The following ZFAT variants were observed in gnomAD, a reference collection of about 807,000 sequenced individuals.
ZFAT encodes the protein zinc finger protein ZFAT.
A neutral mutation model predicts 117.7 loss-of-function variants in ZFAT; 64 were observed. The ratio of observed to expected loss-of-function variants is 0.54; its 90% CI spans 0.44 to 0.67. ZFAT has a LOEUF of 0.67. ZFAT is among the 30% of genes least tolerant of loss of function. ZFAT has a pLI of 0.00. For synonymous variants in ZFAT, 679 were observed against 615.0 expected, an observed-to-expected ratio of 1.10 and a Z score of -1.54; for missense variants, 1,433 against 1,584.5, an observed-to-expected ratio of 0.90 and a Z score of 1.62.
intron 2 of ZFAT, among the ~76,000 whole-genome samples, chr8:134,652,420 T>C (rs1831299585): frequency 6.6e-6 from 1 of 152,178 alleles, no homozygotes; most frequent in African/African-American, 2.4e-5. Context: ...GGAGATGGAA[T>C]GGATGCAGAT....
At chr8:134,543,196 C>T (rs1822412614) in intron 11 of ZFAT, among the ~76,000 whole-genome samples, 1 of 151,010 alleles carries the variant, frequency 6.6e-6, no homozygotes, top group Admixed American at 6.6e-5. Flanking sequence ...CAGCCAGGCA[C>T]ATGCAATTTC....
In ZFAT at chr8:134,478,674, C is replaced by T. The variant is rs750522069; in HGVS notation, c.3540G>A (p.Glu1180=). The T allele has an allele frequency of 6.3e-6, 10 of 1,581,592 alleles. No individual in the cohort carries two copies. Residue 1180 remains glutamate (E), a synonymous_variant, in exon 16 of 16, where the codon GAG becomes GAA. Transcript: ENST00000377838. The surrounding 1 kb of genome is among the most constrained non-coding windows in gnomAD (Gnocchi z 5.2). ...GCTCCACGGACGCTTGCTGGACCGTCTCCTGGATCATGACCGTGTGGTTGG... is the reference window on the plus strand; with the variant it reads ...GCTCCACGGACGCTTGCTGGACCGTTTCCTGGATCATGACCGTGTGGTTGG... ...PSSNHTVMIQ[E]TVQQASVELA...
At chr8:134,818,567 C>T in the ZFAT span, among the ~76,000 whole-genome samples, 1 of 152,144 alleles carries the variant, frequency 6.6e-6, no homozygotes, top group Non-Finnish European at 1.5e-5. Flanking sequence ...ATATAGCTAC[C>T]ATATGATTCA....
chr8:134,777,755 T>C, the ZFAT span, among the ~76,000 whole-genome samples: 2 of 152,224 alleles, frequency 1.3e-5, no homozygotes, highest in Admixed American at 1.3e-4. Flanking sequence ...AAAACCTCCA[T>C]AGAACTTTCT....
chr8:134,618,561 G>A (rs893789451), intron 3 of ZFAT, among the ~76,000 whole-genome samples: 1 of 152,032 alleles, frequency 6.6e-6, no homozygotes, highest in Non-Finnish European at 1.5e-5. Flanking sequence ...CCTCAATTTG[G>A]TTAAATATTC....
At chr8:134,553,331 C>T (rs1022255365) in intron 11 of ZFAT, among the ~76,000 whole-genome samples, 1 of 152,092 alleles carries the variant, frequency 6.6e-6, no homozygotes, top group African/African-American at 2.4e-5. Context: ...GGTGAAACCC[C>T]ATCTCTACTA....
rs372105275 is a variant in ZFAT at position 134,601,777 on chromosome 8, G to A, written c.1942C>T (p.His648Tyr). Reference protein sequence around the residue: ...AQSAGSDQESHGAQSPLGEGQ... With the variant: ...AQSAGSDQESYGAQSPLGEGQ... ...TCCCCTAGGGGGCTCTGGGCGCCAT[G>A]GCTTTCCTGATCTGACCCAGCACTC... Residue 648 changes from histidine (H) to tyrosine (Y), a missense_variant, in exon 6 of 16, where the codon CAT becomes TAT. Physicochemically the swap from His to Tyr is moderately conservative, Grantham distance 83 (BLOSUM62 2). Transcript: ENST00000377838. 3.1e-6 allele frequency: 5 copies of A among 1,613,822 alleles called. No individual in the cohort carries two copies. The highest frequency in any genetic ancestry group is 1.3e-5 in the African/African-American group (1 of 74,960).
chr8:134,633,358 A>G (rs1830012242), intron 3 of ZFAT, among the ~76,000 whole-genome samples: 2 of 152,272 alleles, frequency 1.3e-5, no homozygotes, highest in African/African-American at 4.8e-5. Flanking sequence ...ACAACTTAAC[A>G]AGCATTTCAT....
the ZFAT span, among the ~76,000 whole-genome samples, chr8:134,828,656 T>C: frequency 3.9e-5 from 6 of 152,214 alleles, no homozygotes; most frequent in Non-Finnish European, 1.5e-5. Flanking sequence ...CACAAATAAG[T>C]TCTCCTATTA....
chr8:134,564,015 G>A lies in ZFAT; in HGVS notation c.2976+1318C>T, dbSNP rs191791282. On this transcript the variant is annotated intron_variant, in intron 11 of 15. Transcript: ENST00000377838. ...AAAAATTAGCTGAGCGTGGCAGCGG[G>A]CTACCTGAGACACCCTGTAGTCCCA... 2.4e-4 allele frequency among the ~76,000 whole-genome samples: 37 copies of A among 152,110 alleles called. 1 individual carries two copies. In the East Asian group the frequency reaches 6.8e-3, roughly 28 times the overall value.
chr8:134,613,644 C>T (rs946962133), intron 3 of ZFAT, among the ~76,000 whole-genome samples: 1 of 152,190 alleles, frequency 6.6e-6, no homozygotes, highest in African/African-American at 2.4e-5. Context: ...GATGCCACCT[C>T]CCACTCCAGG....
At chr8:134,675,585 A>T (rs995949172) in intron 1 of ZFAT, among the ~76,000 whole-genome samples, 9 of 152,212 alleles carry the variant, frequency 5.9e-5, no homozygotes. Context: ...CCAACATTCA[A>T]ATTCAAGAAA....
the ZFAT span, among the ~76,000 whole-genome samples, chr8:134,760,150 C>T: frequency 6.6e-6 from 1 of 150,542 alleles, no homozygotes; most frequent in Non-Finnish European, 1.5e-5. Flanking sequence ...CACCTGCAGT[C>T]CCAGCTACCC....
At chr8:134,537,576 G>A (rs1434318580) in intron 11 of ZFAT, among the ~76,000 whole-genome samples, 1 of 152,206 alleles carries the variant, frequency 6.6e-6, no homozygotes, top group Non-Finnish European at 1.5e-5. Flanking sequence ...GCTGGGTCAG[G>A]AAAGTAATGA....
chr8:134,683,445 C>T (rs1330117929), intron 1 of ZFAT, among the ~76,000 whole-genome samples: 9 of 152,120 alleles, frequency 5.9e-5, no homozygotes, highest in Non-Finnish European at 1.2e-4. Context: ...CACAGAAGCA[C>T]GTGTGGAGAA....
chr8:134,671,697 A>G (rs1832570863), intron 1 of ZFAT, among the ~76,000 whole-genome samples: 1 of 152,224 alleles, frequency 6.6e-6, no homozygotes, highest in Non-Finnish European at 1.5e-5. Context: ...CTGGCACAAG[A>G]CAGGGATGCC....
intron 11 of ZFAT, among the ~76,000 whole-genome samples, chr8:134,539,855 C>T (rs191668377): frequency 9.9e-5 from 15 of 151,562 alleles, no homozygotes; most frequent in African/African-American, 1.5e-4. Flanking sequence ...ATGAACCAGG[C>T]GCAGGAGAAG....
rs999061088 is a variant in ZFAT at position 134,565,686 on chromosome 8, G to A, written c.2888-265C>T. 28 of 565,332 alleles carry A rather than the reference G, an allele frequency of 5.0e-5. No individual in the cohort carries two copies. In the Admixed American group the frequency reaches 7.7e-4, roughly 16 times the overall value. The allele number at this position is 565,332 out of a possible 1,614,324, so 35.0% of individuals were successfully genotyped here. ...CCCATGAGCAATGACATTCGATCAG[G>A]CTCCTAAAGAAAGAGTAAGGGTGTG... is the stretch of plus-strand genomic sequence containing the variant. On this transcript the variant is annotated intron_variant, in intron 10 of 15. Coordinates refer to ENST00000377838, the MANE Select transcript of ZFAT (RefSeq NM_020863.4).
chr8:134,702,549 C>T (rs1834039396), intron 1 of ZFAT, among the ~76,000 whole-genome samples: 2 of 152,188 alleles, frequency 1.3e-5, no homozygotes, highest in Non-Finnish European at 2.9e-5. Flanking sequence ...TTTCCCCTTT[C>T]ACTTGGTTCT....
Sources: allele counts gnomAD v4.1 joint callset (sites outside exome capture counted in the v4.1 genomes callset), GRCh38; gene constraint gnomAD v4.1.1; non-coding constraint Gnocchi (gnomAD v3.1); transcripts MANE v1.5; gene names NCBI Gene and HGNC (gene_info 2026-07-23, HGNC 2026-07-21).